The following RWDD1 variants were observed in gnomAD, a reference collection of about 807,000 sequenced individuals.
RWDD1 encodes RWD domain-containing protein 1.
RWDD1 carries 17 observed loss-of-function variants against 31.6 expected under a neutral mutation model. That is an observed-to-expected ratio of 0.54 (90% CI 0.37 to 0.81). The LOEUF (loss-of-function observed/expected upper bound fraction) is 0.81. Ranked by LOEUF, RWDD1 falls within the 30% of genes least tolerant of loss-of-function variation. The pLI is 0.00. For synonymous variants in RWDD1, 78 were observed against 94.2 expected (o/e 0.83, Z 0.99); for missense variants, 204 against 274.5 (o/e 0.74, Z 1.82).
At chr6:116,580,132 A>G in intron 1 of RWDD1, 163 bp from the exon 2 acceptor site, 1 of 390,656 alleles carries the variant, frequency 2.6e-6, no homozygotes, top group East Asian at 3.7e-5. Flanking sequence ...TAGAAAGTTG[A>G]TGGTAATTTT....
intron 5 of RWDD1, among the ~76,000 whole-genome samples, chr6:116,590,661 G>A (rs1775125549): frequency 6.6e-6 from 1 of 152,042 alleles, no homozygotes; most frequent in Non-Finnish European, 1.5e-5. Flanking sequence ...CTTAGAAGTA[G>A]TAGAGTCAAA....
Position 116,597,591 on chromosome 6 carries a change from C to T in RWDD1, c.*4490C>T, listed in dbSNP as rs1775258113. On this transcript the variant is annotated 3_prime_UTR_variant, in exon 7 of 7. Coordinates refer to ENST00000466444, the MANE Select transcript of RWDD1 (RefSeq NM_015952.4). ...CAATGCATCATGGGATTATTGGCTG[C>T]AAATAAATTGGAAACATAAAAGGTG... 1 of 151,734 alleles carries T rather than the reference C, an allele frequency of 6.6e-6. No homozygotes were observed. Among genetic ancestry groups the T allele is most frequent in the African/African-American group, 2.4e-5 (1 of 41,308 alleles). 9.4% of individuals were successfully genotyped at this position (151,734 alleles called of 1,614,324 possible). A position where few individuals can be genotyped will look rare whatever the true frequency, so the allele number is the denominator to read the frequency against.
At chr6:116,573,103 C>A in intron 1 of RWDD1, 1 of 627,044 alleles carries the variant, frequency 1.6e-6, no homozygotes, top group Non-Finnish European at 2.0e-6. Context: ...ATTTCCAGTA[C>A]TTTGGAAACA....
chr6:116,571,616 C>T lies in RWDD1; in HGVS notation c.34C>T (p.Leu12=). 6.2e-7 allele frequency: 1 copy of T among 1,613,736 alleles called. No homozygotes were observed. Among genetic ancestry groups the T allele is most frequent in the South Asian group, 1.1e-5 (1 of 91,068 alleles). Residue 12 remains leucine (L), a synonymous_variant, in exon 1 of 7, where the codon CTG becomes TTG. Coordinates refer to ENST00000466444, the MANE Select transcript of RWDD1 (RefSeq NM_015952.4). The part of the protein sequence containing the change: ...TDYGEEQRNE[L]EALESIYPDS... ...TTACGGCGAGGAGCAGCGCAACGAG[C>T]TGGAGGCCCTGGAGTCCATCTACCC... is the stretch of plus-strand genomic sequence containing the variant.
intron 1 of RWDD1, among the ~76,000 whole-genome samples, chr6:116,575,543 G>A (rs977327607): frequency 4.6e-5 from 7 of 152,008 alleles, no homozygotes; most frequent in African/African-American, 1.5e-4. Flanking sequence ...ATCCAATTAA[G>A]TAACTTTCCC....
At chr6:116,591,240 G>T (rs1775139329) in intron 6 of RWDD1, among the ~76,000 whole-genome samples, 1 of 152,058 alleles carries the variant, frequency 6.6e-6, no homozygotes, top group Admixed American at 6.5e-5. Flanking sequence ...AATTCTAGTG[G>T]TTGACTAATT....
chr6:116,576,320 T>G (rs1774839522), intron 1 of RWDD1, among the ~76,000 whole-genome samples: 1 of 152,250 alleles, frequency 6.6e-6, no homozygotes, highest in Non-Finnish European at 1.5e-5. Flanking sequence ...TAATTTCTTG[T>G]CTCTTTCAAC....
chr6:116,593,150 C>A lies in RWDD1; in HGVS notation c.*49C>A, dbSNP rs1775180264. On this transcript the variant is annotated 3_prime_UTR_variant, in exon 7 of 7. Transcript: ENST00000466444. The stretch of plus-strand genomic sequence containing the variant: ...GGCTTGACTGCCACAGCATCTGTGG[C>A]TATGCTCAGAGGGTTATGATTTTCC... The A allele has an allele frequency of 6.4e-7, 1 of 1,559,218 alleles. No individual in the cohort carries two copies. Among genetic ancestry groups the A allele is most frequent in the Non-Finnish European group, 8.7e-7 (1 of 1,153,146 alleles).
chr6:116,590,218 T>C (rs1209541376), intron 4 of RWDD1, 54 bp from the exon 5 acceptor site: 1 of 983,068 alleles, frequency 1.0e-6, no homozygotes, highest in East Asian at 2.5e-5. Flanking sequence ...ACTGTTAGGA[T>C]TTATTAAACT....
At chr6:116,587,583 G>C (rs1465640973) in intron 3 of RWDD1, among the ~76,000 whole-genome samples, 1 of 152,074 alleles carries the variant, frequency 6.6e-6, no homozygotes, top group Non-Finnish European at 1.5e-5. Flanking sequence ...AAGCTATGAA[G>C]GGGTTTTAAG....
chr6:116,582,883 C>G (rs1205591159), intron 2 of RWDD1, among the ~76,000 whole-genome samples: 1 of 148,838 alleles, frequency 6.7e-6, no homozygotes, highest in Non-Finnish European at 1.5e-5. Flanking sequence ...GCATTTATTG[C>G]TATTAACTTT....
At chr6:116,574,750 C>T (rs1774807305) in intron 1 of RWDD1, among the ~76,000 whole-genome samples, 1 of 146,364 alleles carries the variant, frequency 6.8e-6, no homozygotes, top group African/African-American at 2.5e-5. Flanking sequence ...CTTCCACCTC[C>T]CCTCCCCTTC....
chr6:116,589,350 T>TA (rs1321010104), intron 4 of RWDD1, among the ~76,000 whole-genome samples: 1 of 151,886 alleles, frequency 6.6e-6, no homozygotes, highest in African/African-American at 2.4e-5. Context: ...GCTGATGAGC[T>TA]AAAAAAAATT....
intron 1 of RWDD1, chr6:116,573,092 C>A: frequency 1.4e-6 from 1 of 735,972 alleles, no homozygotes; most frequent in Non-Finnish European, 1.7e-6. Flanking sequence ...CATGTTTGGT[C>A]ATTTCCAGTA....
At chr6:116,583,820 T>C (rs1449558753) in intron 2 of RWDD1, among the ~76,000 whole-genome samples, 1 of 152,228 alleles carries the variant, frequency 6.6e-6, no homozygotes, top group Non-Finnish European at 1.5e-5. Flanking sequence ...TCTTTTGCAA[T>C]TTTTGGTTCA....
chr6:116,572,163 GA>G (rs11341558), intron 1 of RWDD1, among the ~76,000 whole-genome samples: 97,092 of 148,502 alleles, frequency 0.65, 32,021 homozygotes, highest in East Asian at 0.9. Context: ...CTTTTCTTAT[GA>G]AAAAAAAAAA....
At chr6:116,571,732 T>G in intron 1 of RWDD1, 77 bp downstream of exon 1, 1 of 1,376,628 alleles carries the variant, frequency 7.3e-7, no homozygotes, top group African/African-American at 1.5e-5. Flanking sequence ...GCTCTGGGCC[T>G]CATAGGTTGG....
At chr6:116,592,917 A>G in intron 6 of RWDD1, 63 bp from the exon 7 acceptor site, 1 of 1,551,620 alleles carries the variant, frequency 6.4e-7, no homozygotes, top group Non-Finnish European at 8.7e-7. Flanking sequence ...AATGAGTTTT[A>G]TCTTCTATTT....
chr6:116,589,212 A>G (rs1775095838), intron 4 of RWDD1, among the ~76,000 whole-genome samples: 1 of 152,190 alleles, frequency 6.6e-6, no homozygotes, highest in Admixed American at 6.5e-5. Flanking sequence ...ACTCATGCAG[A>G]TAAGACCAAG....
Sources: gnomAD v4.1 joint callset for allele counts (sites outside exome capture counted in the v4.1 genomes callset) on GRCh38, gnomAD v4.1.1 for gene constraint, MANE v1.5 for transcripts, NCBI Gene and HGNC (gene_info 2026-07-23, HGNC 2026-07-21) for gene names.